Variants in GRIA4 observed in about 807,000 individuals in gnomAD.
GRIA4 encodes the protein glutamate ionotropic receptor AMPA type subunit 4.
Under a neutral mutation model 104.0 loss-of-function variants are expected in GRIA4, and 34 were observed. The observed-to-expected ratio is 0.33, with a 90% CI of 0.25 to 0.44. The LOEUF (loss-of-function observed/expected upper bound fraction) is 0.44. Ranked by LOEUF, GRIA4 falls within the 20% of genes least tolerant of loss-of-function variation. GRIA4 has a pLI of 1.00. For missense variants in GRIA4, 750 were observed against 1,096.5 expected (o/e 0.68, Z 4.46); for synonymous variants, 386 against 381.9 (o/e 1.01, Z -0.13).
chr11:105,794,475 A>ATGTG (rs1425628825), intron 4 of GRIA4, among the ~76,000 whole-genome samples: 18 of 61,300 alleles, frequency 2.9e-4, no homozygotes, highest in Non-Finnish European at 4.1e-4. Flanking sequence ...ATATGTATGT[A>ATGTG]TATATATATA....
chr11:105,612,593 A>G, intron 3 of GRIA4, 159 bp downstream of exon 3: 4 of 516,944 alleles, frequency 7.7e-6, no homozygotes, highest in South Asian at 3.3e-5. Flanking sequence ...ACTTCGTTTC[A>G]GGGATATTTA....
chr11:105,759,045 TCA>T (rs1591205209), intron 4 of GRIA4, among the ~76,000 whole-genome samples: 1 of 149,522 alleles, frequency 6.7e-6, no homozygotes, highest in East Asian at 2.0e-4. Context: ...ATGAGAGATC[TCA>T]GTTTTCTAGT....
At chr11:105,640,990 C>A (rs1397737908) in intron 3 of GRIA4, among the ~76,000 whole-genome samples, 1 of 151,866 alleles carries the variant, frequency 6.6e-6, no homozygotes, top group Non-Finnish European at 1.5e-5. Context: ...TTATTCTTAG[C>A]CTAATTATTA....
At chr11:105,670,489 T>C (rs1952324559) in intron 3 of GRIA4, among the ~76,000 whole-genome samples, 1 of 152,160 alleles carries the variant, frequency 6.6e-6, no homozygotes, top group Non-Finnish European at 1.5e-5. Context: ...ATGATCTAGA[T>C]CTATTTTAAG....
At chr11:105,809,242 G>A (rs1446484706) in intron 4 of GRIA4, among the ~76,000 whole-genome samples, 1 of 151,960 alleles carries the variant, frequency 6.6e-6, no homozygotes, top group African/African-American at 2.4e-5. Context: ...CTACATAATA[G>A]TTTTACATAT....
chr11:105,809,236 A>G (rs1019439444), intron 4 of GRIA4, among the ~76,000 whole-genome samples: 1 of 152,178 alleles, frequency 6.6e-6, no homozygotes, highest in Admixed American at 6.6e-5. Context: ...TCATAGCTAC[A>G]TAATAGTTTT....
intron 6 of GRIA4, among the ~76,000 whole-genome samples, chr11:105,891,476 T>C (rs997171783): frequency 5.3e-5 from 8 of 152,158 alleles, no homozygotes; most frequent in Non-Finnish European, 1.0e-4. Context: ...TTTAAGATTT[T>C]ATCCCTACTT....
intron 15 of GRIA4, 115 bp from the exon 16 acceptor site, chr11:105,974,195 T>A: frequency 1.0e-6 from 1 of 995,408 alleles, no homozygotes; most frequent in Non-Finnish European, 1.5e-6. Flanking sequence ...TACTTGTAAA[T>A]CATTTCAGGT....
chr11:105,681,507 C>G (rs916459932), intron 3 of GRIA4, among the ~76,000 whole-genome samples: 8 of 152,106 alleles, frequency 5.3e-5, no homozygotes, highest in African/African-American at 1.9e-4. Flanking sequence ...TCCATAAGAT[C>G]AAGTGTTTTG....
chr11:105,902,330 C>CTT (rs1185823797), intron 7 of GRIA4, among the ~76,000 whole-genome samples: 1 of 144,846 alleles, frequency 6.9e-6, no homozygotes. Context: ...CTTTTCTTTT[C>CTT]TTTTTTTTTT....
chr11:105,697,032 G>A (rs12790131), intron 3 of GRIA4, among the ~76,000 whole-genome samples: 46,026 of 151,984 alleles, frequency 0.3, 7,357 homozygotes, highest in South Asian at 0.4. Context: ...CCAAAGTGCT[G>A]GAATTATAGA....
chr11:105,925,122 T>A (rs1947668936), intron 12 of GRIA4, among the ~76,000 whole-genome samples: 1 of 152,138 alleles, frequency 6.6e-6, no homozygotes, highest in Non-Finnish European at 1.5e-5. Flanking sequence ...TTTGCTATTA[T>A]TGCAATTTTT....
In GRIA4 at chr11:105,980,067, G is replaced by A. The variant is rs746842312; in HGVS notation, c.*328G>A. The A allele has an allele frequency of 7.2e-5, 15 of 208,874 alleles. No homozygotes were observed. The highest frequency in any genetic ancestry group is 2.4e-4 in the South Asian group (2 of 8,482). The allele number at this position is 208,874 out of a possible 1,614,324, so 12.9% of individuals were successfully genotyped here. A position where few individuals can be genotyped will look rare whatever the true frequency, so the allele number is the denominator to read the frequency against. ...AAACTAATCAGACTTATGAGTTAGC[G>A]CATTAAACTGTGAAGTTCTTGCTCA... On this transcript the variant is annotated 3_prime_UTR_variant, in exon 17 of 17. Coordinates refer to ENST00000282499, the MANE Select transcript of GRIA4 (RefSeq NM_000829.4).
intron 3 of GRIA4, among the ~76,000 whole-genome samples, chr11:105,694,173 G>T (rs1953188443): frequency 6.7e-6 from 1 of 149,932 alleles, no homozygotes; most frequent in South Asian, 2.1e-4. Flanking sequence ...TTTTTTAGAT[G>T]GAGTCTCACT....
At chr11:105,926,350 C>T (rs1277755013) in intron 12 of GRIA4, among the ~76,000 whole-genome samples, 1 of 152,052 alleles carries the variant, frequency 6.6e-6, no homozygotes. Context: ...CCAATTAAAC[C>T]ATGATACTAT....
intron 4 of GRIA4, among the ~76,000 whole-genome samples, chr11:105,768,879 C>A (rs978781599): frequency 2.6e-5 from 4 of 152,004 alleles, no homozygotes; most frequent in African/African-American, 9.7e-5. Flanking sequence ...ACAAAGAAGA[C>A]CCCATATCAG....
At chr11:105,819,528 C>A (rs553719691) in intron 4 of GRIA4, among the ~76,000 whole-genome samples, 1 of 152,024 alleles carries the variant, frequency 6.6e-6, no homozygotes, top group African/African-American at 2.4e-5. Context: ...TGACAGTGTA[C>A]CAAAAATTCA....
chr11:105,690,628 T>C (rs966996232), intron 3 of GRIA4, among the ~76,000 whole-genome samples: 2 of 152,202 alleles, frequency 1.3e-5, no homozygotes, highest in African/African-American at 4.8e-5. Context: ...AACAATATGC[T>C]TACATCCGTG....
intron 3 of GRIA4, among the ~76,000 whole-genome samples, chr11:105,688,504 A>G (rs2135487183): frequency 6.6e-6 from 1 of 152,318 alleles, no homozygotes; most frequent in African/African-American, 2.4e-5. Context: ...CGGAGCTTGT[A>G]GTGAGCCGAG....
Sources: gnomAD v4.1 joint callset for allele counts (sites outside exome capture counted in the v4.1 genomes callset) on GRCh38, gnomAD v4.1.1 for gene constraint, MANE v1.5 for transcripts, NCBI Gene and HGNC (gene_info 2026-07-23, HGNC 2026-07-21) for gene names.